The following OSGIN1 variants were observed in gnomAD, a reference collection of about 807,000 sequenced individuals.
The protein encoded by OSGIN1 is oxidative stress-induced growth inhibitor 1.
Under a neutral mutation model 20.1 loss-of-function variants are expected in OSGIN1, and 19 were observed. The ratio of observed to expected loss-of-function variants is 0.95; its 90% CI spans 0.66 to 1.39. The LOEUF is 1.39. Among genes scored for constraint, OSGIN1 ranks in the 40% most tolerant of loss-of-function variants. OSGIN1 has a pLI of 0.00. For synonymous variants in OSGIN1, 368 were observed against 297.8 expected (o/e 1.24, Z -2.43); for missense variants, 820 against 653.0 (o/e 1.26, Z -2.79).
chr16:83,966,228 T>A lies in OSGIN1; in HGVS notation c.*221T>A. 1.8e-6 allele frequency: 1 copy of A among 551,964 alleles called. No individual in the cohort carries two copies. The highest frequency in any genetic ancestry group is 3.2e-6 in the Non-Finnish European group (1 of 316,042). 34.2% of individuals were successfully genotyped at this position (551,964 alleles called of 1,614,324 possible). A position where few individuals can be genotyped will look rare whatever the true frequency, so the allele number is the denominator to read the frequency against. On this transcript the variant is annotated 3_prime_UTR_variant, in exon 6 of 6. Transcript: ENST00000393306. ...GGCCAGGGTTGGCCTAGACCTGGGA[T>A]TTGTGGGGAAAGCTGCTGGTGTGAC...
At chr16:83,960,409 C>T (rs756591472) in intron 3 of OSGIN1, among the ~76,000 whole-genome samples, 160 bp from the exon 4 acceptor site, 1 of 152,206 alleles carries the variant, frequency 6.6e-6, no homozygotes, top group Non-Finnish European at 1.5e-5. Flanking sequence ...GACCTCAAAA[C>T]GAGAGCTTCA....
Position 83,966,099 on chromosome 16 carries a change from G to C in OSGIN1, c.*92G>C. 1.8e-6 allele frequency: 2 copies of C among 1,102,664 alleles called. No homozygotes were observed. The highest frequency in any genetic ancestry group is 2.5e-6 in the Non-Finnish European group (2 of 795,258). The allele number at this position is 1,102,664 out of a possible 1,614,324, so 68.3% of individuals were successfully genotyped here. A position where few individuals can be genotyped will look rare whatever the true frequency, so the allele number is the denominator to read the frequency against. On this transcript the variant is annotated 3_prime_UTR_variant, in exon 6 of 6. Transcript: ENST00000393306. ...CAGGACCCGTCCAAAGATGCCCCGG[G>C]GAGGGGTGTCAGCCCACGTTGCTGG...
chr16:83,957,624 C>G lies in OSGIN1; in HGVS notation c.-32-16C>G, dbSNP rs763726698. ...TCACCCGAATGGACTCTTCCTTCCC[C>G]TCTCCCCCACTCCAGGTCCGCTGCC... On this transcript the variant is annotated splice_polypyrimidine_tract_variant and intron_variant, in intron 1 of 5. Coordinates refer to ENST00000393306, the MANE Select transcript of OSGIN1 (RefSeq NM_182981.3). The G allele has an allele frequency of 7.5e-6, 10 of 1,333,330 alleles. No homozygotes were observed. In the African/African-American group the frequency reaches 1.0e-4, roughly 14 times the overall value. The allele number at this position is 1,333,330 out of a possible 1,614,324, so 82.6% of individuals were successfully genotyped here. A position where few individuals can be genotyped will look rare whatever the true frequency, so the allele number is the denominator to read the frequency against.
intron 5 of OSGIN1, among the ~76,000 whole-genome samples, chr16:83,964,680 C>G (rs1469817596): frequency 6.6e-6 from 1 of 152,186 alleles, no homozygotes; most frequent in Non-Finnish European, 1.5e-5. Flanking sequence ...AAATCCTCCC[C>G]ACGACCTCAC....
Position 83,965,638 on chromosome 16 carries a change from T to G in OSGIN1, c.1065T>G (p.Tyr355Ter). Residue 355 changes from tyrosine to a stop codon, truncating the protein, a stop_gained, in exon 6 of 6, where the codon TAT (tyrosine) becomes TAG (stop). Coordinates refer to ENST00000393306, the MANE Select transcript of OSGIN1 (RefSeq NM_182981.3). LOFTEE classifies it low-confidence loss of function (END_TRUNC). The stretch of plus-strand genomic sequence containing the variant: ...AGTCCATCCTGTCGCCCAGCCCCTA[T>G]GAGGGTTACCGCAGCCTCCCCAGGC... ...REQSILSPSP[Y>*]EGYRSLPRHQ... The G allele has an allele frequency of 6.2e-7, 1 of 1,613,298 alleles. No individual in the cohort carries two copies. The highest frequency in any genetic ancestry group is 1.1e-5 in the South Asian group (1 of 91,080).
In OSGIN1 at chr16:83,953,329, A is replaced by G. The variant is rs775109900; in HGVS notation, c.-74A>G. ...GTTCCCCTGACCCTCCTAGTGCACA[A>G]CTTGGCCGGGCTCACTGGGCTCCTG... On this transcript the variant is annotated 5_prime_UTR_variant, in exon 1 of 6. Coordinates refer to ENST00000393306, the MANE Select transcript of OSGIN1 (RefSeq NM_182981.3). 41 of 1,288,676 alleles carry G rather than the reference A, an allele frequency of 3.2e-5. No homozygotes were observed. Among genetic ancestry groups the G allele is most frequent in the Non-Finnish European group, 4.0e-5 (40 of 988,532 alleles). 79.8% of individuals were successfully genotyped at this position (1,288,676 alleles called of 1,614,324 possible).
At chr16:83,959,546 C>A in intron 3 of OSGIN1, 150 bp downstream of exon 3, 1 of 776,272 alleles carries the variant, frequency 1.3e-6, no homozygotes, top group Non-Finnish European at 2.0e-6. Flanking sequence ...CCACGGAGAT[C>A]GTGAAAGAGA....
intron 3 of OSGIN1, among the ~76,000 whole-genome samples, chr16:83,959,972 T>C (rs1909125436): frequency 6.6e-6 from 1 of 152,180 alleles, no homozygotes; most frequent in Non-Finnish European, 1.5e-5. Context: ...TGTCTTCCAC[T>C]GTGCTCCTCC....
In OSGIN1 at chr16:83,960,862, C is replaced by T. The variant is rs114648735; in HGVS notation, c.396+102C>T. The T allele has an allele frequency of 2.4e-3, 3,526 of 1,481,142 alleles. 47 individuals are homozygous for T. The African/African-American group carries it at 0.03, about 13-fold the overall frequency. The allele number at this position is 1,481,142 out of a possible 1,614,324, so 91.7% of individuals were successfully genotyped here. ...ATCTCCCTTTCCTCATTCTCCACCC[C>T]GCAACCCTGCCTCTCCCTCCTCCCT... On this transcript the variant is annotated intron_variant, in intron 4 of 5. Coordinates refer to ENST00000393306, the MANE Select transcript of OSGIN1 (RefSeq NM_182981.3).
intron 5 of OSGIN1, among the ~76,000 whole-genome samples, chr16:83,962,364 G>A (rs1395175719): frequency 5.3e-5 from 8 of 152,064 alleles, no homozygotes; most frequent in East Asian, 1.9e-4. Flanking sequence ...CCAGCCTCCC[G>A]AGTAGCTGGG....
In OSGIN1 at chr16:83,960,617, G is replaced by A. The variant is rs760784511; in HGVS notation, c.253G>A (p.Val85Met). 9 of 1,613,476 alleles carry A rather than the reference G, an allele frequency of 5.6e-6. No homozygotes were observed. The highest frequency in any genetic ancestry group is 3.3e-5 in the South Asian group (3 of 91,086). ...CCTCGAAGGCCGATCCCAAAGCCCC[G>A]TGGCCCTGCTCTTTGATGCCCTTCT... The part of the protein sequence containing the change: ...EGLEGRSQSP[V>M]ALLFDALLRP... The change falls in exon 4 of 6, where the codon GTG (valine) becomes ATG (methionine). Residue 85 changes from valine (V) to methionine (M), a missense_variant. Val to Met is a conservative substitution (Grantham distance 21). Transcript: ENST00000393306.
rs1288014587 is a variant in OSGIN1, at chr16:83,966,310, A to G, written c.*303A>G. ...CCTGCGCCTTCCAGAAGCAGGTCCC[A>G]AATAAAGCCAGTGCCCACCTGCTCT... On this transcript the variant is annotated 3_prime_UTR_variant, in exon 6 of 6. Coordinates refer to ENST00000393306, the MANE Select transcript of OSGIN1 (RefSeq NM_182981.3). 3 of 444,504 alleles carry G rather than the reference A, an allele frequency of 6.7e-6. No individual in the cohort carries two copies. The highest frequency in any genetic ancestry group is 1.2e-5 in the Non-Finnish European group (3 of 251,302). The allele number at this position is 444,504 out of a possible 1,614,324, so 27.5% of individuals were successfully genotyped here.
At chr16:83,955,703 A>G (rs1159679371) in intron 1 of OSGIN1, among the ~76,000 whole-genome samples, 1 of 152,160 alleles carries the variant, frequency 6.6e-6, no homozygotes, top group African/African-American at 2.4e-5. Flanking sequence ...TCTTGTAACT[A>G]CTACTACTAT....
rs758582415 is a variant in OSGIN1, at chr16:83,961,028, G to T, written c.444G>T (p.Gly148=). 1 of 1,613,632 alleles carries T rather than the reference G, an allele frequency of 6.2e-7. No homozygotes were observed. The highest frequency in any genetic ancestry group is 1.7e-5 in the Admixed American group (1 of 60,032). The part of the protein sequence containing the change: ...MVILSQGQWM[G]LPDLEVKDWM... ...TCCTGAGCCAAGGCCAGTGGATGGG[G>T]CTCCCGGACCTGGAGGTCAAGGACT... The change falls in exon 5 of 6, where the codon GGG becomes GGT. Residue 148 remains glycine, a synonymous_variant. Transcript: ENST00000393306.
rs765936283 is a variant in OSGIN1, at chr16:83,960,779, G to A, written c.396+19G>A. On this transcript the variant is annotated intron_variant, in intron 4 of 5. Transcript: ENST00000393306. ...CTGGCACGTGAGTGGGGCAGCGAGG[G>A]CATGGCTTGTGGGGGGCTCTCTCCC... The A allele has an allele frequency of 1.4e-5, 23 of 1,610,202 alleles. 1 individual carries two copies. The South Asian group carries it at 2.5e-4, about 18-fold the overall frequency.
chr16:83,966,206 C>G lies in OSGIN1; in HGVS notation c.*199C>G. ...TGAGGTGGTAACAGCGGCCGCAGGCCAGGGTTGGCCTAGACCTGGGATTTG... is the reference window on the plus strand; with the variant it reads ...TGAGGTGGTAACAGCGGCCGCAGGCGAGGGTTGGCCTAGACCTGGGATTTG... On this transcript the variant is annotated 3_prime_UTR_variant, in exon 6 of 6. Transcript: ENST00000393306. 13 of 581,654 alleles carry G rather than the reference C, an allele frequency of 2.2e-5. No homozygotes were observed. Among genetic ancestry groups the G allele is most frequent in the Non-Finnish European group, 3.9e-5 (13 of 334,042 alleles). The allele number at this position is 581,654 out of a possible 1,614,324, so 36.0% of individuals were successfully genotyped here. A position where few individuals can be genotyped will look rare whatever the true frequency, so the allele number is the denominator to read the frequency against.
chr16:83,964,531 C>G (rs886149499), intron 5 of OSGIN1, among the ~76,000 whole-genome samples: 9 of 152,130 alleles, frequency 5.9e-5, no homozygotes, highest in African/African-American at 2.2e-4. Context: ...TAGATGAGTT[C>G]TGCCTGTTTC....
chr16:83,955,298 C>A (rs1274737688), intron 1 of OSGIN1, among the ~76,000 whole-genome samples: 1 of 152,160 alleles, frequency 6.6e-6, no homozygotes, highest in Non-Finnish European at 1.5e-5. Context: ...GAGAAATGAT[C>A]CCTTCCCAGC....
chr16:83,953,380 C>T lies in OSGIN1; in HGVS notation c.-33+10C>T, dbSNP rs751390899. 47 of 1,288,506 alleles carry T rather than the reference C, an allele frequency of 3.6e-5. No individual in the cohort carries two copies. The South Asian group carries it at 5.7e-4, about 16-fold the overall frequency. 79.8% of individuals were successfully genotyped at this position (1,288,506 alleles called of 1,614,324 possible). ...CACCACTGCCTGTCAGGTGAGTGTC[C>T]GGGGCCAGGTTCCGGGGCAGGGAAT... On this transcript the variant is annotated intron_variant, in intron 1 of 5. Transcript: ENST00000393306.
Sources: allele counts gnomAD v4.1 joint callset (sites outside exome capture counted in the v4.1 genomes callset), GRCh38; gene constraint gnomAD v4.1.1; transcripts MANE v1.5; gene names NCBI Gene and HGNC (gene_info 2026-07-23, HGNC 2026-07-21).